The following CYBA variants were observed in gnomAD, a reference collection of about 807,000 sequenced individuals.
The protein encoded by CYBA is cytochrome b-245 alpha chain, also known as cytochrome b-245 light chain.
In CYBA, 21 loss-of-function variants were observed where a neutral mutation model predicts 20.8. The observed-to-expected ratio is 1.01, with a 90% CI of 0.72 to 1.46. CYBA has a LOEUF of 1.46. Ranked by LOEUF, CYBA falls within the 40% of genes most tolerant of loss-of-function variation. The probability of loss-of-function intolerance (pLI) is 0.00; values close to 1 mark genes in which losing one functional copy is unlikely to be tolerated. For missense variants in CYBA, 344 were observed against 287.0 expected (o/e 1.20, Z -1.43); for synonymous variants, 164 against 127.5 (o/e 1.29, Z -1.93).
intron 5 of CYBA, 163 bp downstream of exon 5, chr16:88,645,953 G>A (rs974411442): frequency 1.4e-5 from 9 of 634,334 alleles, no homozygotes; most frequent in East Asian, 1.1e-4. Flanking sequence ...AGCAGCAACC[G>A]CTGCGTCCCC....
rs763678131 is a variant in CYBA at position 88,647,132 on chromosome 16, T to TC, written c.171dup (p.Lys58GlufsTer155). 1.2e-6 allele frequency: 2 copies of TC among 1,609,358 alleles called. No homozygotes were observed. The highest frequency in any genetic ancestry group is 8.5e-7 in the Non-Finnish European group (1 of 1,179,440). ...TCCATGGTGGAGCCCTTCTTCCTCT[T>TC]CCCCCGGGGGTACTCCAGCAGGCAC... is the stretch of plus-strand genomic sequence containing the variant. On this transcript the variant is annotated frameshift_variant, in exon 3 of 6. Coordinates refer to ENST00000261623, the MANE Select transcript of CYBA (RefSeq NM_000101.4). LOFTEE classifies it high-confidence loss of function.
chr16:88,650,196 C>T (rs1907455349), intron 1 of CYBA: 1 of 362,264 alleles, frequency 2.8e-6, no homozygotes, highest in Non-Finnish European at 5.6e-6. Flanking sequence ...GCAGGTCCTT[C>T]CTGGAGCTGC....
chr16:88,646,817 G>T lies in CYBA; in HGVS notation c.225C>A (p.Ala75=). The part of the protein sequence containing the change: ...MERWGQKYMT[A]VVKLFGPFTR... ...TAAAGGGCCCGAACAGCTTCACCAC[G>T]GCGGTCATGTACTTCTGTCCCCTGG... Residue 75 remains alanine, a synonymous_variant, in exon 4 of 6, where the codon GCC becomes GCA. Transcript: ENST00000261623. The T allele has an allele frequency of 6.2e-7, 1 of 1,613,878 alleles. No homozygotes were observed. Among genetic ancestry groups the T allele is most frequent in the Non-Finnish European group, 8.5e-7 (1 of 1,179,910 alleles).
In CYBA at chr16:88,651,036, C is replaced by A. The variant is rs1488691630; in HGVS notation, c.-23G>T. On this transcript the variant is annotated 5_prime_UTR_variant, in exon 1 of 6. Coordinates refer to ENST00000261623, the MANE Select transcript of CYBA (RefSeq NM_000101.4). The stretch of plus-strand genomic sequence containing the variant: ...CATGGCGACACGAACCCGGCTGGGA[C>A]ACTGCTAGGCGCGCACTGCCGCCCC... The A allele has an allele frequency of 1.9e-6, 3 of 1,583,002 alleles. No individual in the cohort carries two copies. The highest frequency in any genetic ancestry group is 1.7e-6 in the Non-Finnish European group (2 of 1,168,316).
Position 88,643,526 on chromosome 16 carries a change from G to T in CYBA, c.415C>A (p.Arg139=). The change falls in exon 6 of 6, where the codon CGG becomes AGG. Residue 139 remains arginine, a synonymous_variant. Coordinates refer to ENST00000261623, the MANE Select transcript of CYBA (RefSeq NM_000101.4). This position sits in a 1 kb window ranked among gnomAD's most constrained non-coding sequence, Gnocchi z 4.3. The part of the protein sequence containing the change: ...EQWTPIEPKP[R]ERPQIGGTIK... ...GTGCCTCCGATCTGCGGCCGCTCCC[G>T]GGGCTTGGGCTCGATGGGCGTCCAC... 2.0e-6 allele frequency: 3 copies of T among 1,535,132 alleles called. No homozygotes were observed. Among genetic ancestry groups the T allele is most frequent in the Non-Finnish European group, 2.6e-6 (3 of 1,146,786 alleles).
rs1567609371 is a variant in CYBA at position 88,647,166 on chromosome 16, GC to G, written c.137del (p.Gly46AlafsTer28). ...GGTACTCCAGCAGGCACACAAACAC[GC>G]CCGCCACACTGAAGCCATGTGGTTA... ...WYFGAYSIVAGVFVCLLEYPR... is the reference protein window; with the variant it reads ...WYFGAYSIVAXVFVCLLEYPR... On this transcript the variant is annotated frameshift_variant, in exon 3 of 6. Transcript: ENST00000261623. LOFTEE classifies it high-confidence loss of function. 1 of 1,605,374 alleles carries G rather than the reference GC, an allele frequency of 6.2e-7. No individual in the cohort carries two copies. Among genetic ancestry groups the G allele is most frequent in the Admixed American group, 1.7e-5 (1 of 59,430 alleles).
rs184579131 is a variant in CYBA, at chr16:88,647,267, C to A, written c.129-92G>T. ...AAGACAACACAGAGAGGGGCCCGAG[C>A]ACGGTGGCTCATGCCTGGAATCCCA... On this transcript the variant is annotated intron_variant, in intron 2 of 5. Coordinates refer to ENST00000261623, the MANE Select transcript of CYBA (RefSeq NM_000101.4). 2.8e-5 allele frequency: 35 copies of A among 1,237,698 alleles called. No individual in the cohort carries two copies. In the East Asian group the frequency reaches 8.2e-4, roughly 29 times the overall value. 76.7% of individuals were successfully genotyped at this position (1,237,698 alleles called of 1,614,324 possible).
intron 1 of CYBA, among the ~76,000 whole-genome samples, chr16:88,648,679 G>A (rs1295483399): frequency 1.3e-4 from 20 of 150,556 alleles, no homozygotes; most frequent in Admixed American, 3.3e-4. Context: ...GTGCAGTGGC[G>A]CGATCTCGAC....
At chr16:88,644,762 T>G (rs1597371261) in intron 5 of CYBA, 1 of 202,570 alleles carries the variant, frequency 4.9e-6, no homozygotes, top group Non-Finnish European at 1.0e-5. Context: ...GAGGCGAAGG[T>G]TGCAGTGAGC....
Position 88,648,109 on chromosome 16 carries a change from T to G in CYBA, c.64A>C (p.Ile22Leu). The G allele has an allele frequency of 6.2e-7, 1 of 1,611,706 alleles. No individual in the cohort carries two copies. Among genetic ancestry groups the G allele is most frequent in the Non-Finnish European group, 8.5e-7 (1 of 1,179,504 alleles). Residue 22 changes from isoleucine to leucine, a missense_variant, in exon 2 of 6, where the codon ATC (isoleucine) becomes CTC (leucine). By Grantham distance (5) the Ile-to-Leu change is conservative. Transcript: ENST00000261623. The part of the protein sequence containing the change: ...EQALASGLIL[I>L]TGGIVATAGR... ...GCTGTGGCCACGATGCCCCCGGTGA[T>G]GAGGACTGCGGGGAGAAGTGGGTCA...
intron 5 of CYBA, chr16:88,645,779 G>A (rs1242125706): frequency 3.7e-6 from 2 of 538,366 alleles, no homozygotes; most frequent in East Asian, 6.2e-5. Context: ...CGCAGGCACG[G>A]TCTTCGGCCG....
chr16:88,647,821 C>G (rs1907344168), intron 2 of CYBA: 1 of 613,830 alleles, frequency 1.6e-6, no homozygotes, highest in Non-Finnish European at 3.0e-6. Context: ...CCCCTGCCCA[C>G]CACTCACCAG....
Position 88,648,686 on chromosome 16 carries a change from C to T in CYBA, c.59-572G>A, listed in dbSNP as rs184393445. ...AGGCTGGAGTGCAGTGGCGCGATCT[C>T]GACTCACTGCTACCTCCGCCTCCAG... On this transcript the variant is annotated intron_variant, in intron 1 of 5. Coordinates refer to ENST00000261623, the MANE Select transcript of CYBA (RefSeq NM_000101.4). Among the ~76,000 whole-genome samples the T allele has an allele frequency of 5.8e-3, 873 of 150,542 alleles. 4 individuals carry two copies. The highest frequency in any genetic ancestry group is 0.011 in the African/African-American group (454 of 40,872).
In CYBA at chr16:88,646,735, G is replaced by T; in HGVS notation, c.287+20C>A. On this transcript the variant is annotated intron_variant, in intron 4 of 5. Transcript: ENST00000261623. Reference sequence around the variant, plus strand: ...CCAAGCCCTCCTGAGCCCTAGAGGGGGTGCGGGACGGGGACTCACAGGAGA... The same window carrying T: ...CCAAGCCCTCCTGAGCCCTAGAGGGTGTGCGGGACGGGGACTCACAGGAGA... 6.2e-7 allele frequency: 1 copy of T among 1,607,274 alleles called. No homozygotes were observed. Among genetic ancestry groups the T allele is most frequent in the Non-Finnish European group, 8.5e-7 (1 of 1,174,122 alleles).
intron 5 of CYBA, 25 bp downstream of exon 5, chr16:88,646,091 G>C (rs1347949916): frequency 1.3e-6 from 2 of 1,541,094 alleles, no homozygotes; most frequent in Non-Finnish European, 1.7e-6. Flanking sequence ...GGTGGCCGGG[G>C]CCGACCTCAG....
At chr16:88,648,265 G>T (rs1907361534) in intron 1 of CYBA, 151 bp from the exon 2 acceptor site, 3 of 727,164 alleles carry the variant, frequency 4.1e-6, no homozygotes, top group Non-Finnish European at 7.0e-6. Context: ...ACACCCCCAG[G>T]AGGCACCCCT....
At chr16:88,649,129 G>T (rs371958498) in intron 1 of CYBA, among the ~76,000 whole-genome samples, 11 of 151,012 alleles carry the variant, frequency 7.3e-5, no homozygotes, top group Admixed American at 2.0e-4. Flanking sequence ...AGTAGAGACG[G>T]GGTTTCACTG....
Position 88,643,485 on chromosome 16 carries a change from G to A in CYBA, c.456C>T (p.Pro152=), listed in dbSNP as rs1372121091. 1 of 1,532,972 alleles carries A rather than the reference G, an allele frequency of 6.5e-7. No individual in the cohort carries two copies. 95.0% of individuals were successfully genotyped at this position (1,532,972 alleles called of 1,614,324 possible). The change falls in exon 6 of 6, where the codon CCC becomes CCT. Residue 152 remains proline, a synonymous_variant. Coordinates refer to ENST00000261623, the MANE Select transcript of CYBA (RefSeq NM_000101.4). This position sits in a 1 kb window ranked among gnomAD's most constrained non-coding sequence, Gnocchi z 4.3. ...CCGGGGGCCGCGGCGGGGGGTTGCT[G>A]GGCGGCTGCTTGATGGTGCCTCCGA... ...PQIGGTIKQP[P]SNPPPRPPAE... is the part of the protein sequence containing the mutation.
Position 88,643,303 on chromosome 16 carries a change from C to T in CYBA, c.*50G>A, listed in dbSNP as rs747833429. On this transcript the variant is annotated 3_prime_UTR_variant, in exon 6 of 6. Transcript: ENST00000261623. This position sits in a 1 kb window ranked among gnomAD's most constrained non-coding sequence, Gnocchi z 4.3. ...GGCTCACGCGCTCCCGGCTTCGCTG[C>T]ATTTATTGCAGGTGGGTGCACCTGG... is the stretch of plus-strand genomic sequence containing the variant. The T allele has an allele frequency of 1.5e-6, 2 of 1,353,596 alleles. No individual in the cohort carries two copies. The highest frequency in any genetic ancestry group is 2.0e-6 in the Non-Finnish European group (2 of 1,016,208). 83.8% of individuals were successfully genotyped at this position (1,353,596 alleles called of 1,614,324 possible). A position where few individuals can be genotyped will look rare whatever the true frequency, so the allele number is the denominator to read the frequency against.
Sources: gnomAD v4.1 joint callset for allele counts (sites outside exome capture counted in the v4.1 genomes callset) on GRCh38, gnomAD v4.1.1 for gene constraint, Gnocchi (gnomAD v3.1) non-coding constraint, MANE v1.5 for transcripts, NCBI Gene and HGNC (gene_info 2026-07-23, HGNC 2026-07-21) for gene names.